AP2B1: variants seen among roughly 807,000 people sequenced by gnomAD.
AP2B1 encodes AP-2 complex subunit beta.
In AP2B1, 23 loss-of-function variants were observed where a neutral mutation model predicts 102.0. The ratio of observed to expected loss-of-function variants is 0.23; its 90% CI spans 0.16 to 0.32. The LOEUF is 0.32. Ranked by LOEUF, AP2B1 falls within the 10% of genes least tolerant of loss-of-function variation. The probability of loss-of-function intolerance (pLI) is 1.00; values close to 1 mark genes in which losing one functional copy is unlikely to be tolerated. For synonymous variants in AP2B1, 381 were observed against 421.2 expected, an observed-to-expected ratio of 0.90 and a Z score of 1.17; for missense variants, 541 against 1,157.4, an observed-to-expected ratio of 0.47 and a Z score of 7.73.
At chr17:35,721,579 C>T (rs1204463048) in intron 21 of AP2B1, among the ~76,000 whole-genome samples, 1 of 152,162 alleles carries the variant, frequency 6.6e-6, no homozygotes, top group Non-Finnish European at 1.5e-5. Flanking sequence ...GTTTCTTCCC[C>T]ATCCTCCAAA....
At chr17:35,713,064 G>C (rs1477084065) in intron 20 of AP2B1, among the ~76,000 whole-genome samples, 2 of 152,210 alleles carry the variant, frequency 1.3e-5, no homozygotes, top group Non-Finnish European at 2.9e-5. Context: ...CCTGCTTTTA[G>C]ACTGGAGTTT....
intron 15 of AP2B1, 51 bp from the exon 16 acceptor site, chr17:35,671,703 G>C: frequency 1.3e-6 from 2 of 1,577,850 alleles, no homozygotes; most frequent in African/African-American, 2.7e-5. Flanking sequence ...TTTAAGGACT[G>C]TTAATCTGTT....
chr17:35,652,849 T>G (rs1316596070), intron 13 of AP2B1, among the ~76,000 whole-genome samples: 3 of 152,208 alleles, frequency 2.0e-5, no homozygotes, highest in African/African-American at 7.2e-5. Flanking sequence ...CTGTCACATT[T>G]TCTAAATGGT....
At position 35,654,716 on chromosome 17, in the gene AP2B1, G is replaced by C. The variant is rs867679631; in HGVS notation, c.1797-2883G>C. On this transcript the variant is annotated intron_variant, in intron 13 of 21. Transcript: ENST00000610402. ...TTCTCAATTGCCATTCTCTAGTCTCGTTTAGAGTTTATTTAAGATCGGCTT... is the reference window on the plus strand; with the variant it reads ...TTCTCAATTGCCATTCTCTAGTCTCCTTTAGAGTTTATTTAAGATCGGCTT... 7.9e-5 allele frequency among the ~76,000 whole-genome samples: 12 copies of C among 152,096 alleles called. 1 individual carries two copies. Among genetic ancestry groups the C allele is most frequent in the African/African-American group, 2.9e-4 (12 of 41,482 alleles).
Position 35,594,004 on chromosome 17 carries a change from A to G in AP2B1, c.-23-4A>G, listed in dbSNP as rs778035240. 22 of 1,540,032 alleles carry G rather than the reference A, an allele frequency of 1.4e-5. No individual in the cohort carries two copies. In the South Asian group the frequency reaches 2.3e-4, roughly 16 times the overall value. ...AATGAAGGAATTCTTTTCTCTTGCT[A>G]TAGGTGCACATTAAAGATCCAAAGT... On this transcript the variant is annotated splice_polypyrimidine_tract_variant and splice_region_variant and intron_variant, in intron 1 of 21. Coordinates refer to ENST00000610402, the MANE Select transcript of AP2B1 (RefSeq NM_001030006.2).
At chr17:35,589,236 T>G (rs1000113351) in intron 1 of AP2B1, among the ~76,000 whole-genome samples, 7 of 152,214 alleles carry the variant, frequency 4.6e-5, no homozygotes, top group Non-Finnish European at 1.0e-4. Flanking sequence ...ACTGAATATT[T>G]GATTAGAAAT....
At chr17:35,600,873 C>A in intron 3 of AP2B1, 1 of 375,416 alleles carries the variant, frequency 2.7e-6, no homozygotes, top group Non-Finnish European at 3.7e-6. Context: ...CTTCCCTAAC[C>A]AGACGGGGAG....
chr17:35,680,700 G>GTTTTTTTTTTTTTTT (rs1176447688), intron 17 of AP2B1, among the ~76,000 whole-genome samples: 2 of 128,940 alleles, frequency 1.6e-5, no homozygotes, highest in Non-Finnish European at 3.2e-5. Context: ...TTTTTTTTTT[G>GTTTTTTTTTTTTTTT]TTTTTTTTTT....
intron 12 of AP2B1, among the ~76,000 whole-genome samples, chr17:35,643,837 A>G (rs889712170): frequency 2.0e-5 from 3 of 152,166 alleles, no homozygotes; most frequent in Admixed American, 2.0e-4. Context: ...TTTCTTCTTT[A>G]TGAAGCCCCA....
Position 35,636,325 on chromosome 17 carries a change from G to A in AP2B1, c.1156-16G>A. 1.9e-6 allele frequency: 3 copies of A among 1,588,098 alleles called. No individual in the cohort carries two copies. Among genetic ancestry groups the A allele is most frequent in the Non-Finnish European group, 2.6e-6 (3 of 1,161,258 alleles). ...TAGATCATCTGACTTCTCATTTTTTGTATTTTTCTTCCCAGCAATCTGCAG... is the reference window on the plus strand; with the variant it reads ...TAGATCATCTGACTTCTCATTTTTTATATTTTTCTTCCCAGCAATCTGCAG... On this transcript the variant is annotated splice_polypyrimidine_tract_variant and intron_variant, in intron 9 of 21. Coordinates refer to ENST00000610402, the MANE Select transcript of AP2B1 (RefSeq NM_001030006.2).
chr17:35,694,733 G>C (rs1055519949), intron 18 of AP2B1, among the ~76,000 whole-genome samples: 2 of 152,182 alleles, frequency 1.3e-5, no homozygotes, highest in Middle Eastern at 3.4e-3. Context: ...ATACAAAAAA[G>C]TTAGCTGGGC....
intron 6 of AP2B1, among the ~76,000 whole-genome samples, chr17:35,626,243 TC>T (rs1448767153): frequency 2.0e-5 from 3 of 152,104 alleles, no homozygotes; most frequent in African/African-American, 7.2e-5. Context: ...TAATTTGACT[TC>T]CTATAGGTTG....
intron 12 of AP2B1, among the ~76,000 whole-genome samples, chr17:35,648,524 GCATACATACATACATA>G (rs71366470): frequency 6.0e-5 from 9 of 149,956 alleles, no homozygotes; most frequent in African/African-American, 1.2e-4. Context: ...CAAAATACAT[GCATACATACATACATA>G]CATACATACA....
At chr17:35,639,476 C>T in intron 10 of AP2B1, 119 bp from the exon 11 acceptor site, 1 of 763,300 alleles carries the variant, frequency 1.3e-6, no homozygotes, top group Non-Finnish European at 2.0e-6. Flanking sequence ...TGACTAAAAG[C>T]TTTTACAGTT....
At chr17:35,675,256 A>G (rs2075675053) in intron 17 of AP2B1, among the ~76,000 whole-genome samples, 1 of 152,224 alleles carries the variant, frequency 6.6e-6, no homozygotes. Flanking sequence ...TGGCATGTCC[A>G]TTCATTTGTA....
chr17:35,681,083 T>G, intron 17 of AP2B1, among the ~76,000 whole-genome samples: 1 of 152,226 alleles, frequency 6.6e-6, no homozygotes. Context: ...AGATTCAGAC[T>G]GAGTTTCCCA....
At chr17:35,604,644 G>T (rs2073606422) in intron 3 of AP2B1, among the ~76,000 whole-genome samples, 1 of 152,110 alleles carries the variant, frequency 6.6e-6, no homozygotes, top group Admixed American at 6.5e-5. Flanking sequence ...TGTAATCTCA[G>T]CTACTTAGGA....
At chr17:35,658,251 T>G (rs2075277213) in intron 14 of AP2B1, among the ~76,000 whole-genome samples, 1 of 149,840 alleles carries the variant, frequency 6.7e-6, no homozygotes, top group South Asian at 2.1e-4. Context: ...TTCTGAAAGG[T>G]TTTGAGGCAG....
intron 9 of AP2B1, 33 bp from the exon 10 acceptor site, chr17:35,636,308 C>CT (rs779337192): frequency 4.3e-5 from 65 of 1,518,918 alleles, no homozygotes; most frequent in Non-Finnish European, 5.7e-5. Context: ...CATAGATCAT[C>CT]TGACTTCTCA....
Sources: allele counts gnomAD v4.1 joint callset (sites outside exome capture counted in the v4.1 genomes callset), GRCh38; gene constraint gnomAD v4.1.1; transcripts MANE v1.5; gene names NCBI Gene and HGNC (gene_info 2026-07-23, HGNC 2026-07-21).